Variants in YIPF1 observed in about 807,000 individuals in gnomAD.
YIPF1 encodes the protein protein YIPF1.
Under a neutral mutation model 37.0 loss-of-function variants are expected in YIPF1, and 22 were observed. That is an observed-to-expected ratio of 0.59 (90% CI 0.42 to 0.85). The LOEUF is 0.85. Among genes scored for constraint, YIPF1 ranks in the 40% least tolerant of loss-of-function variants. The pLI is 0.00. For synonymous variants in YIPF1, 128 were observed against 131.9 expected, an observed-to-expected ratio of 0.97 and a Z score of 0.21; for missense variants, 355 against 373.1, an observed-to-expected ratio of 0.95 and a Z score of 0.40.
At chr1:53,885,460 A>G (rs1360271374) in intron 3 of YIPF1, among the ~76,000 whole-genome samples, 1 of 152,152 alleles carries the variant, frequency 6.6e-6, no homozygotes, top group African/African-American at 2.4e-5. Context: ...GTGAGCCGAG[A>G]TCGCACCACT....
At position 53,888,965 on chromosome 1, in the gene YIPF1, G is replaced by A. The variant is rs778799244; in HGVS notation, c.-28C>T. On this transcript the variant is annotated 5_prime_UTR_variant, in exon 3 of 11. Coordinates refer to ENST00000072644, the MANE Select transcript of YIPF1 (RefSeq NM_018982.5). ...GGCCAGTGAGTCTTCTCCCAATTAT[G>A]AGGAAGAAAATTTGCAGGGTTCTAA... 7 of 1,595,006 alleles carry A rather than the reference G, an allele frequency of 4.4e-6. No individual in the cohort carries two copies. The highest frequency in any genetic ancestry group is 6.0e-6 in the Non-Finnish European group (7 of 1,164,554).
chr1:53,882,916 A>C (rs922841216), intron 4 of YIPF1, 197 bp downstream of exon 4: 104 of 487,526 alleles, frequency 2.1e-4, no homozygotes, highest in African/African-American at 2.0e-3. Flanking sequence ...TCACTACCCC[A>C]GTGTTCCCCT....
At chr1:53,873,861 G>A (rs1569633274) in intron 6 of YIPF1, among the ~76,000 whole-genome samples, 2 of 152,066 alleles carry the variant, frequency 1.3e-5, no homozygotes, top group South Asian at 2.1e-4. Context: ...AAGGCAGGCT[G>A]GTATGGGAAG....
intron 7 of YIPF1, among the ~76,000 whole-genome samples, chr1:53,869,872 CTT>C (rs11304446): frequency 0.025 from 3,183 of 125,774 alleles, 82 homozygotes; most frequent in African/African-American, 0.09. Context: ...TTTCTCCCCG[CTT>C]TTTTTTTTTT....
At chr1:53,869,703 A>G (rs1650125941) in intron 7 of YIPF1, among the ~76,000 whole-genome samples, 1 of 152,186 alleles carries the variant, frequency 6.6e-6, no homozygotes, top group Admixed American at 6.5e-5. Flanking sequence ...GGCAGCTGTC[A>G]TCTGCAAGTC....
chr1:53,852,624 A>G (rs1649624186), intron 10 of YIPF1, among the ~76,000 whole-genome samples: 2 of 152,184 alleles, frequency 1.3e-5, no homozygotes, highest in Admixed American at 1.3e-4. Flanking sequence ...AAGAGTGGAT[A>G]TGGAGGGACT....
At chr1:53,863,313 C>A (rs993607225) in intron 9 of YIPF1, among the ~76,000 whole-genome samples, 5 of 152,146 alleles carry the variant, frequency 3.3e-5, no homozygotes, top group Non-Finnish European at 7.4e-5. Context: ...TCAGCTTTGG[C>A]CCGGGTACCA....
chr1:53,885,364 C>G (rs1650616790), intron 3 of YIPF1, among the ~76,000 whole-genome samples: 2 of 152,118 alleles, frequency 1.3e-5, no homozygotes. Flanking sequence ...TGAAGCTGGG[C>G]GTGGTGGCAC....
chr1:53,888,080 G>A (rs1261961234), intron 3 of YIPF1, among the ~76,000 whole-genome samples: 2 of 152,170 alleles, frequency 1.3e-5, no homozygotes, highest in African/African-American at 2.4e-5. Context: ...ACAAAAATTA[G>A]TCGGGTGTGG....
chr1:53,880,151 TA>T (rs1361409018), intron 4 of YIPF1, among the ~76,000 whole-genome samples: 1 of 152,042 alleles, frequency 6.6e-6, no homozygotes, highest in Non-Finnish European at 1.5e-5. Flanking sequence ...TTTCTATATC[TA>T]AAAAACCCCA....
chr1:53,878,927 A>G (rs929245200), intron 4 of YIPF1, among the ~76,000 whole-genome samples: 2 of 152,166 alleles, frequency 1.3e-5, no homozygotes, highest in African/African-American at 4.8e-5. Context: ...AAGTCACACC[A>G]AAAGGGTTCA....
intron 9 of YIPF1, among the ~76,000 whole-genome samples, chr1:53,862,685 G>A (rs6681067): frequency 0.13 from 20,251 of 152,038 alleles, 1,507 homozygotes; most frequent in South Asian, 0.25. Flanking sequence ...TGGTTCAGCC[G>A]GTGCCCCTCA....
chr1:53,882,445 A>G (rs1650526485), intron 4 of YIPF1, among the ~76,000 whole-genome samples: 1 of 151,942 alleles, frequency 6.6e-6, no homozygotes, highest in Non-Finnish European at 1.5e-5. Context: ...AGTGTTTTCA[A>G]TCTTTCCTTT....
intron 3 of YIPF1, 61 bp from the exon 4 acceptor site, chr1:53,883,337 T>C (rs1404428808): frequency 1.4e-6 from 2 of 1,441,142 alleles, no homozygotes; most frequent in Non-Finnish European, 1.8e-6. Flanking sequence ...ATGCTATACT[T>C]TGAATTTAAA....
intron 10 of YIPF1, among the ~76,000 whole-genome samples, chr1:53,858,024 T>C (rs1038963717): frequency 6.7e-6 from 1 of 150,220 alleles, no homozygotes; most frequent in East Asian, 2.0e-4. Context: ...TGGAATGTGA[T>C]AGACACATGT....
chr1:53,888,654 G>T (rs1220719132), intron 3 of YIPF1, among the ~76,000 whole-genome samples: 1 of 152,200 alleles, frequency 6.6e-6, no homozygotes, highest in Non-Finnish European at 1.5e-5. Flanking sequence ...AGCAGGAACT[G>T]TGTAAGCATT....
At position 53,866,373 on chromosome 1, in the gene YIPF1, T is replaced by C. The variant is rs774226487; in HGVS notation, c.658A>G (p.Ile220Val). 6.2e-7 allele frequency: 1 copy of C among 1,613,864 alleles called. No homozygotes were observed. The highest frequency in any genetic ancestry group is 2.2e-5 in the East Asian group (1 of 44,870). ...FIYIPTAILW[I>V]IPQKAVRWIL... Reference sequence around the variant, plus strand: ...CAACGAACAGCTTTCTGGGGGATAATCCACAGTATCTGAAAGAAGAGAAAA... The same window carrying C: ...CAACGAACAGCTTTCTGGGGGATAACCCACAGTATCTGAAAGAAGAGAAAA... Residue 220 changes from isoleucine to valine, a missense_variant, in exon 9 of 11, where the codon ATT becomes GTT. Ile to Val is a conservative substitution (Grantham distance 29, BLOSUM62 3). Coordinates refer to ENST00000072644, the MANE Select transcript of YIPF1 (RefSeq NM_018982.5).
intron 10 of YIPF1, 27 bp downstream of exon 10, chr1:53,860,029 C>G (rs376875020): frequency 1.2e-6 from 2 of 1,610,538 alleles, no homozygotes; most frequent in African/African-American, 2.7e-5. Flanking sequence ...TGGCACCACA[C>G]AGCAAAATAA....
Position 53,888,940 on chromosome 1 carries a change from G to A in YIPF1, c.-3C>T, listed in dbSNP as rs370848260. ...TGCAAGTCATCTACTGCTGCCATTC[G>A]GCCAGTGAGTCTTCTCCCAATTATG... is the stretch of plus-strand genomic sequence containing the variant. On this transcript the variant is annotated 5_prime_UTR_variant, in exon 3 of 11. Coordinates refer to ENST00000072644, the MANE Select transcript of YIPF1 (RefSeq NM_018982.5). The A allele has an allele frequency of 1.4e-5, 22 of 1,596,198 alleles. No individual in the cohort carries two copies. Among genetic ancestry groups the A allele is most frequent in the Admixed American group, 1.7e-5 (1 of 59,856 alleles).
Sources: allele counts gnomAD v4.1 joint callset (sites outside exome capture counted in the v4.1 genomes callset), GRCh38; gene constraint gnomAD v4.1.1; transcripts MANE v1.5; gene names NCBI Gene and HGNC (gene_info 2026-07-23, HGNC 2026-07-21).